The following ARG2 variants were observed in gnomAD, a reference collection of about 807,000 sequenced individuals.
ARG2 encodes arginase 2.
In ARG2, 21 loss-of-function variants were observed where a neutral mutation model predicts 39.4. The ratio of observed to expected loss-of-function variants is 0.53; its 90% CI spans 0.38 to 0.77. ARG2 has a LOEUF of 0.77. ARG2 is among the 30% of genes least tolerant of loss of function. The pLI is 0.00. For synonymous variants in ARG2, 150 were observed against 156.7 expected (o/e 0.96, Z 0.32); for missense variants, 378 against 426.2 (o/e 0.89, Z 1.00).
At chr14:67,636,170 C>T (rs2036969973) in intron 2 of ARG2, among the ~76,000 whole-genome samples, 1 of 152,000 alleles carries the variant, frequency 6.6e-6, no homozygotes, top group East Asian at 1.9e-4. Context: ...GTGTGTCAGC[C>T]CACTTTGAAA....
chr14:67,630,988 G>T (rs566962457), intron 2 of ARG2, among the ~76,000 whole-genome samples: 8 of 152,202 alleles, frequency 5.3e-5, no homozygotes, highest in African/African-American at 1.9e-4. Context: ...ACTAACACTC[G>T]GCAGTGCCCT....
At position 67,648,118 on chromosome 14, in the gene ARG2, C is replaced by T. The variant is rs775076365; in HGVS notation, c.794C>T (p.Thr265Ile). 1 of 1,613,918 alleles carries T rather than the reference C, an allele frequency of 6.2e-7. No individual in the cohort carries two copies. The highest frequency in any genetic ancestry group is 1.1e-5 in the South Asian group (1 of 91,072). The part of the protein sequence containing the change: ...FDPTLAPATG[T>I]PVVGGLTYRE... ...CCTACACTGGCTCCAGCCACAGGAA[C>T]TCCTGTTGTCGGGGGACTAACCTAT... The change falls in exon 7 of 8, where the codon ACT becomes ATT. Residue 265 changes from threonine to isoleucine, a missense_variant. Thr to Ile is a moderately conservative substitution (Grantham distance 89, BLOSUM62 -1). Coordinates refer to ENST00000261783, the MANE Select transcript of ARG2 (RefSeq NM_001172.4).
rs762913933 is a variant in ARG2, at chr14:67,651,324, C to A, written c.*404C>A. On this transcript the variant is annotated 3_prime_UTR_variant, in exon 8 of 8. Coordinates refer to ENST00000261783, the MANE Select transcript of ARG2 (RefSeq NM_001172.4). ...AGCAATATGCTTATTCTATCCACAT[C>A]CCTAACATCATGCATTCACAAGGTC... 6.2e-6 allele frequency: 10 copies of A among 1,610,618 alleles called. No individual in the cohort carries two copies. The South Asian group carries it at 9.9e-5, about 16-fold the overall frequency.
chr14:67,642,655 C>T (rs1262573596), intron 3 of ARG2, among the ~76,000 whole-genome samples: 2 of 152,044 alleles, frequency 1.3e-5, no homozygotes, highest in Non-Finnish European at 2.9e-5. Context: ...TGCTTGTCTC[C>T]TGGAAAGCTT....
At chr14:67,645,173 ATTTC>A (rs1441240145) in intron 3 of ARG2, among the ~76,000 whole-genome samples, 8 of 149,840 alleles carry the variant, frequency 5.3e-5, no homozygotes, top group Admixed American at 4.7e-4. Flanking sequence ...ATTTACCTAG[ATTTC>A]TTTTTTTTTT....
chr14:67,639,615 T>C (rs748621085), intron 2 of ARG2, among the ~76,000 whole-genome samples: 9 of 152,040 alleles, frequency 5.9e-5, no homozygotes, highest in Non-Finnish European at 8.8e-5. Flanking sequence ...ATCCAGGAAT[T>C]GTCCATTCAA....
chr14:67,622,331 G>A (rs528633283), intron 2 of ARG2, among the ~76,000 whole-genome samples: 48 of 152,300 alleles, frequency 3.2e-4, no homozygotes, highest in African/African-American at 9.4e-4. Context: ...TCCATTCCAA[G>A]TGAAGTCATC....
chr14:67,639,951 T>G (rs781233052), intron 2 of ARG2, among the ~76,000 whole-genome samples: 5 of 122,286 alleles, frequency 4.1e-5, no homozygotes, highest in Admixed American at 8.8e-5. Flanking sequence ...AAAAAAAAAG[T>G]CTGTGCAGTC....
At chr14:67,634,154 A>T (rs972613608) in intron 2 of ARG2, among the ~76,000 whole-genome samples, 2 of 152,192 alleles carry the variant, frequency 1.3e-5, no homozygotes, top group African/African-American at 4.8e-5. Context: ...CATTCACATC[A>T]CAACCCTTGA....
chr14:67,650,013 C>T (rs2037151377), intron 7 of ARG2: 1 of 152,218 alleles, frequency 6.6e-6, no homozygotes, highest in African/African-American at 2.4e-5. Flanking sequence ...AGAACTTTGA[C>T]ACAAGTTCTC....
intron 2 of ARG2, among the ~76,000 whole-genome samples, chr14:67,641,646 A>G (rs552289311): frequency 6.6e-6 from 1 of 152,322 alleles, no homozygotes; most frequent in South Asian, 2.1e-4. Context: ...AGTTTATAAT[A>G]TGTGAATTTC....
rs372873309 is a variant in ARG2 at position 67,647,071 on chromosome 14, A to G, written c.722+46A>G. ...TCAGGGCAAACCCCCAATGGGCAAC[A>G]CACTTTTAGCCTGTTTCTTGAGGAC... On this transcript the variant is annotated intron_variant, in intron 6 of 7. Transcript: ENST00000261783. The G allele has an allele frequency of 2.8e-5, 34 of 1,197,410 alleles. No individual in the cohort carries two copies. The African/African-American group carries it at 4.2e-4, about 15-fold the overall frequency. 74.2% of individuals were successfully genotyped at this position (1,197,410 alleles called of 1,614,324 possible). A position where few individuals can be genotyped will look rare whatever the true frequency, so the allele number is the denominator to read the frequency against.
At chr14:67,633,814 TCTC>T (rs570747806) in intron 2 of ARG2, among the ~76,000 whole-genome samples, 146 of 152,234 alleles carry the variant, frequency 9.6e-4, no homozygotes, top group Non-Finnish European at 1.5e-3. Flanking sequence ...GAAGGCATTC[TCTC>T]CTCCTCAGTA....
chr14:67,625,680 C>CAAAAAAAAA (rs1176476000), intron 2 of ARG2, among the ~76,000 whole-genome samples: 11 of 32,096 alleles, frequency 3.4e-4, no homozygotes, highest in African/African-American at 1.2e-3. Context: ...AACTCCATCT[C>CAAAAAAAAA]AAAAAAAAAA....
chr14:67,642,788 A>ATTTTTTTTTTTT (rs1169208904), intron 3 of ARG2, among the ~76,000 whole-genome samples: 3 of 33,734 alleles, frequency 8.9e-5, no homozygotes, highest in African/African-American at 1.7e-4. Context: ...ATGTTACTAC[A>ATTTTTTTTTTTT]TTTTCTTTTT....
At position 67,619,950 on chromosome 14, in the gene ARG2, G is replaced by T. The variant is rs780297601; in HGVS notation, c.-28G>T. The T allele has an allele frequency of 7.3e-6, 11 of 1,508,818 alleles. No individual in the cohort carries two copies. Among genetic ancestry groups the T allele is most frequent in the African/African-American group, 4.2e-5 (3 of 70,658 alleles). The allele number at this position is 1,508,818 out of a possible 1,614,324, so 93.5% of individuals were successfully genotyped here. A position where few individuals can be genotyped will look rare whatever the true frequency, so the allele number is the denominator to read the frequency against. ...CGGCTTCCAACCGCGCGGAGCCTCT[G>T]CCTTGGAGATTCTCAGTGCTGCGGA... On this transcript the variant is annotated 5_prime_UTR_variant, in exon 1 of 8. Coordinates refer to ENST00000261783, the MANE Select transcript of ARG2 (RefSeq NM_001172.4).
chr14:67,629,930 C>G (rs1320345178), intron 2 of ARG2, among the ~76,000 whole-genome samples: 1 of 152,098 alleles, frequency 6.6e-6, no homozygotes, highest in Non-Finnish European at 1.5e-5. Context: ...ATTTGTAAGA[C>G]AAAAATATAA....
intron 2 of ARG2, among the ~76,000 whole-genome samples, chr14:67,629,839 T>C (rs1396147050): frequency 6.6e-6 from 1 of 152,256 alleles, no homozygotes; most frequent in African/African-American, 2.4e-5. Flanking sequence ...AAAACCTTTC[T>C]AAGGATTTGT....
chr14:67,632,016 A>G (rs1241722868), intron 2 of ARG2, among the ~76,000 whole-genome samples: 2 of 152,184 alleles, frequency 1.3e-5, no homozygotes, highest in African/African-American at 4.8e-5. Flanking sequence ...CTTGGACCAC[A>G]GGCTTGTGCC....
Sources: allele counts gnomAD v4.1 joint callset (sites outside exome capture counted in the v4.1 genomes callset), GRCh38; gene constraint gnomAD v4.1.1; transcripts MANE v1.5; gene names NCBI Gene and HGNC (gene_info 2026-07-23, HGNC 2026-07-21).